IQCM: variants seen among roughly 807,000 people sequenced by gnomAD.
IQCM encodes IQ domain-containing protein M.
A neutral mutation model predicts 57.6 loss-of-function variants in IQCM; 45 were observed. The observed-to-expected ratio is 0.78, with a 90% CI of 0.62 to 1.00. The LOEUF (loss-of-function observed/expected upper bound fraction) is 1.00, where lower values mean the gene tolerates loss of function less well. IQCM is among the 50% of genes least tolerant of loss of function. The pLI is 0.00. For missense variants in IQCM, 468 were observed against 511.6 expected (o/e 0.91, Z 0.82); for synonymous variants, 148 against 158.9 (o/e 0.93, Z 0.51).
At chr4:149,676,810 T>G (rs939103147) in intron 7 of IQCM, among the ~76,000 whole-genome samples, 1 of 152,052 alleles carries the variant, frequency 6.6e-6, no homozygotes, top group African/African-American at 2.4e-5. Context: ...AGAATAATTC[T>G]TTATTCTAAA....
chr4:149,810,472 CAG>C (rs1774470342), intron 2 of IQCM, among the ~76,000 whole-genome samples: 1 of 150,772 alleles, frequency 6.6e-6, no homozygotes, highest in African/African-American at 2.4e-5. Context: ...TTCTTTGAGA[CAG>C]AGTCTTGCTC....
At chr4:149,764,804 C>T (rs537270950) in intron 2 of IQCM, among the ~76,000 whole-genome samples, 28 of 152,144 alleles carry the variant, frequency 1.8e-4, no homozygotes, top group Admixed American at 7.9e-4. Flanking sequence ...AATGACAAGT[C>T]GCAAGCTATA....
At position 149,519,848 on chromosome 4, in the gene IQCM, C is replaced by CA. The variant is rs1001601371; in HGVS notation, c.1228+28606dup. 1.2e-4 allele frequency among the ~76,000 whole-genome samples: 18 copies of CA among 151,024 alleles called. 1 individual carries two copies. The highest frequency in any genetic ancestry group is 5.9e-4 in the East Asian group (3 of 5,098). ...TGAAACCCTGTCTCTACTAAAAATA[C>CA]AAAAAAAATAGCTGGGCGTGGTGGC... On this transcript the variant is annotated intron_variant, in intron 12 of 13. Coordinates refer to ENST00000636793, the MANE Select transcript of IQCM (RefSeq NM_001363507.2).
At chr4:149,812,507 C>CAG (rs1554045618) in intron 2 of IQCM, among the ~76,000 whole-genome samples, 128 of 126,862 alleles carry the variant, frequency 1.0e-3, no homozygotes, top group Middle Eastern at 3.6e-3. Context: ...CACACAGACA[C>CAG]ACACACACAC....
Position 149,687,331 on chromosome 4 carries a change from G to A in IQCM, c.386-863C>T, listed in dbSNP as rs183829004. Among the ~76,000 whole-genome samples the A allele has an allele frequency of 2.5e-4, 38 of 151,384 alleles. No individual in the cohort carries two copies. In the East Asian group the frequency reaches 5.6e-3, roughly 22 times the overall value. On this transcript the variant is annotated intron_variant, in intron 5 of 13. Coordinates refer to ENST00000636793, the MANE Select transcript of IQCM (RefSeq NM_001363507.2). ...ATATCAATATTGATTAACTACAGTC[G>A]GCCTTCGGTGTCCTTGGGTTCTGCA...
intron 3 of IQCM, chr4:149,737,779 A>C (rs1767076256): frequency 2.0e-5 from 3 of 152,208 alleles, no homozygotes; most frequent in Admixed American, 2.0e-4. Context: ...GCCTCTAGCC[A>C]GAGCATTTAC....
At chr4:149,778,379 A>G (rs1397174790) in intron 2 of IQCM, among the ~76,000 whole-genome samples, 3 of 152,176 alleles carry the variant, frequency 2.0e-5, no homozygotes, top group Non-Finnish European at 2.9e-5. Context: ...CTGTCTTAAA[A>G]AAAAAAGAAA....
chr4:149,751,592 A>G (rs530377130), intron 2 of IQCM, among the ~76,000 whole-genome samples: 1 of 152,300 alleles, frequency 6.6e-6, no homozygotes, highest in African/African-American at 2.4e-5. Context: ...TGTAATAATC[A>G]TTGTATAATC....
chr4:149,630,249 A>C (rs1757148151), intron 7 of IQCM, among the ~76,000 whole-genome samples: 1 of 152,230 alleles, frequency 6.6e-6, no homozygotes, highest in Non-Finnish European at 1.5e-5. Context: ...GCACTCTGCC[A>C]AACGCAGTTC....
At chr4:149,632,392 T>C (rs1350758639) in intron 7 of IQCM, among the ~76,000 whole-genome samples, 1 of 152,246 alleles carries the variant, frequency 6.6e-6, no homozygotes, top group Non-Finnish European at 1.5e-5. Context: ...TGAGCTACAA[T>C]AATTGTGCAA....
At position 149,515,071 on chromosome 4, in the gene IQCM, C is replaced by CATGTGTGT. The variant is rs372147344; in HGVS notation, c.1228+33383_1228+33384insACACACAT. On this transcript the variant is annotated intron_variant, in intron 12 of 13. Coordinates refer to ENST00000636793, the MANE Select transcript of IQCM (RefSeq NM_001363507.2). ...CTTAATAAACTCCCATATATATACA[C>CATGTGTGT]GTGTGTGTGTGTGTGTGTGTGTGTG... Among the ~76,000 whole-genome samples the CATGTGTGT allele has an allele frequency of 5.6e-5, 8 of 142,794 alleles. No individual in the cohort carries two copies. In the South Asian group the frequency reaches 9.3e-4, roughly 17 times the overall value. 93.7% of individuals were successfully genotyped at this position (142,794 alleles called of 152,430 possible). A position where few individuals can be genotyped will look rare whatever the true frequency, so the allele number is the denominator to read the frequency against.
chr4:149,585,765 A>G (rs1278684856), intron 9 of IQCM, among the ~76,000 whole-genome samples: 1 of 151,730 alleles, frequency 6.6e-6, no homozygotes, highest in Non-Finnish European at 1.5e-5. Flanking sequence ...CTATGCTGTG[A>G]GGTGAGATTT....
chr4:149,537,942 T>C (rs1747463788), intron 12 of IQCM, among the ~76,000 whole-genome samples: 1 of 151,582 alleles, frequency 6.6e-6, no homozygotes, highest in African/African-American at 2.4e-5. Flanking sequence ...GCCAGAGACC[T>C]GCTGAAAGAA....
At chr4:149,534,346 T>C (rs1377128829) in intron 12 of IQCM, among the ~76,000 whole-genome samples, 1 of 152,174 alleles carries the variant, frequency 6.6e-6, no homozygotes, top group Non-Finnish European at 1.5e-5. Flanking sequence ...AAAGAGATTG[T>C]TCTGATATCT....
intron 12 of IQCM, among the ~76,000 whole-genome samples, chr4:149,540,148 G>A (rs1176118767): frequency 1.3e-5 from 2 of 148,930 alleles, no homozygotes; most frequent in Admixed American, 1.4e-4. Context: ...ATGCCCAGAA[G>A]AAAGGCCATG....
At chr4:149,697,212 T>C (rs929796394) in intron 5 of IQCM, among the ~76,000 whole-genome samples, 8 of 152,124 alleles carry the variant, frequency 5.3e-5, no homozygotes, top group Admixed American at 1.3e-4. Context: ...TTTTATCTGC[T>C]ATTACACTGC....
At chr4:149,401,535 T>C (rs954678606) in intron 13 of IQCM, among the ~76,000 whole-genome samples, 1 of 151,772 alleles carries the variant, frequency 6.6e-6, no homozygotes, top group Non-Finnish European at 1.5e-5. Context: ...TTTTAATCAA[T>C]ATTTATGTGA....
chr4:149,608,988 C>T (rs761556079), intron 8 of IQCM, among the ~76,000 whole-genome samples: 1 of 151,138 alleles, frequency 6.6e-6, no homozygotes, highest in Non-Finnish European at 1.5e-5. Context: ...ACAAAATGAA[C>T]AAAAGTTGAG....
At chr4:149,698,566 T>G (rs531772862) in intron 5 of IQCM, among the ~76,000 whole-genome samples, 1 of 152,210 alleles carries the variant, frequency 6.6e-6, no homozygotes, top group South Asian at 2.1e-4. Context: ...TGTGTAGCAA[T>G]AGTGCAAAAT....
Sources: allele counts gnomAD v4.1 joint callset (sites outside exome capture counted in the v4.1 genomes callset), GRCh38; gene constraint gnomAD v4.1.1; transcripts MANE v1.5; gene names NCBI Gene and HGNC (gene_info 2026-07-23, HGNC 2026-07-21).